RARB: variants seen among roughly 807,000 people sequenced by gnomAD.
RARB encodes the protein retinoic acid receptor beta.
Under a neutral mutation model 51.9 loss-of-function variants are expected in RARB, and 17 were observed. The ratio of observed to expected loss-of-function variants is 0.33; its 90% CI spans 0.22 to 0.49. The LOEUF (loss-of-function observed/expected upper bound fraction) is 0.49. RARB is among the 20% of genes least tolerant of loss of function. The pLI is 0.99. For synonymous variants in RARB, 215 were observed against 195.4 expected (o/e 1.10, Z -0.84); for missense variants, 369 against 550.8 (o/e 0.67, Z 3.30).
intron 3 of RARB, among the ~76,000 whole-genome samples, chr3:25,552,199 C>T (rs971921553): frequency 2.6e-5 from 4 of 152,216 alleles, no homozygotes; most frequent in East Asian, 1.9e-4. Flanking sequence ...AGCTGACCAA[C>T]CATTGTGCAA....
At chr3:24,859,109 C>T (rs1323965807) in intron 2 of RARB, among the ~76,000 whole-genome samples, 2 of 148,358 alleles carry the variant, frequency 1.3e-5, no homozygotes, top group Admixed American at 6.7e-5. Context: ...GTCAGTAATT[C>T]TCTTTGTATT....
intron 3 of RARB, among the ~76,000 whole-genome samples, chr3:25,110,459 A>G (rs922947396): frequency 1.3e-5 from 2 of 152,208 alleles, no homozygotes; most frequent in African/African-American, 4.8e-5. Context: ...AAATATTTTA[A>G]TTACTTTTTC....
At chr3:25,465,046 G>C (rs1360876177) in intron 2 of RARB, among the ~76,000 whole-genome samples, 1 of 151,770 alleles carries the variant, frequency 6.6e-6, no homozygotes, top group Non-Finnish European at 1.5e-5. Context: ...AATTTCCTTA[G>C]GATAAAATTT....
At chr3:25,069,768 C>A (rs998400165) in intron 3 of RARB, among the ~76,000 whole-genome samples, 1 of 152,178 alleles carries the variant, frequency 6.6e-6, no homozygotes, top group Non-Finnish European at 1.5e-5. Context: ...TCGACTCTGT[C>A]TTGACCCTTC....
At chr3:25,123,227 T>C (rs1197137262) in intron 3 of RARB, among the ~76,000 whole-genome samples, 4 of 152,206 alleles carry the variant, frequency 2.6e-5, no homozygotes, top group Non-Finnish European at 5.9e-5. Flanking sequence ...CTTCCATTAC[T>C]TTATGTGTGG....
chr3:25,104,236 A>G (rs548948137), intron 3 of RARB, among the ~76,000 whole-genome samples: 4 of 152,186 alleles, frequency 2.6e-5, no homozygotes, highest in Non-Finnish European at 5.9e-5. Context: ...AAGTTTTCAC[A>G]AGGCTGTGGT....
chr3:25,171,440 ATTTTTTT>A (rs1157902711), intron 4 of RARB, among the ~76,000 whole-genome samples: 38 of 32,214 alleles, frequency 1.2e-3, no homozygotes, highest in East Asian at 9.2e-3. Flanking sequence ...CGACACATTG[ATTTTTTT>A]TTTTTTTTTT....
chr3:24,901,077 A>C (rs1168142295), intron 2 of RARB, among the ~76,000 whole-genome samples: 1 of 152,174 alleles, frequency 6.6e-6, no homozygotes, highest in Non-Finnish European at 1.5e-5. Flanking sequence ...AATACTCATT[A>C]GGTTTATGGC....
chr3:25,374,168 T>C lies in RARB; in HGVS notation c.179-87025T>C, dbSNP rs571608038. Reference sequence around the variant, plus strand: ...GTAGCTGGATGTGGAAGGCAGGGACTGGGGTCAGTCAGCACCTAGAGAGCA... The same window carrying C: ...GTAGCTGGATGTGGAAGGCAGGGACCGGGGTCAGTCAGCACCTAGAGAGCA... On this transcript the variant is annotated intron_variant, in intron 5 of 11. Transcript: ENST00000383772. Among the ~76,000 whole-genome samples the C allele has an allele frequency of 6.0e-4, 92 of 152,170 alleles. 1 individual carries two copies. Among genetic ancestry groups the C allele is most frequent in the Non-Finnish European group, 1.0e-3 (71 of 68,000 alleles).
chr3:25,541,435 T>A (rs551221329), intron 3 of RARB, among the ~76,000 whole-genome samples: 243 of 152,346 alleles, frequency 1.6e-3, no homozygotes, highest in African/African-American at 4.5e-3. Context: ...TCTTTTGTGT[T>A]CCTATCTACC....
At chr3:25,412,056 A>G (rs1257230074) in intron 5 of RARB, among the ~76,000 whole-genome samples, 1 of 152,204 alleles carries the variant, frequency 6.6e-6, no homozygotes, top group East Asian at 1.9e-4. Flanking sequence ...GGCAGTCATT[A>G]TGAGGTATCA....
At chr3:25,570,027 A>C (rs560811696) in intron 4 of RARB, 109 bp downstream of exon 4, 1 of 1,356,926 alleles carries the variant, frequency 7.4e-7, no homozygotes, top group African/African-American at 1.5e-5. Flanking sequence ...CACACTTTGC[A>C]CTGGGCCTGG....
intron 2 of RARB, among the ~76,000 whole-genome samples, chr3:24,975,268 A>G (rs1696485871): frequency 6.6e-6 from 1 of 152,076 alleles, no homozygotes; most frequent in Non-Finnish European, 1.5e-5. Flanking sequence ...TCAATAAATG[A>G]TAGTTGCTAT....
intron 5 of RARB, among the ~76,000 whole-genome samples, chr3:25,211,117 T>C (rs1298001532): frequency 6.6e-6 from 1 of 152,196 alleles, no homozygotes; most frequent in African/African-American, 2.4e-5. Context: ...AAATATTAAC[T>C]TTTATTCATC....
Position 24,982,299 on chromosome 3 carries a change from C to T in RARB, c.-379-77826C>T, listed in dbSNP as rs556123097. ...GGCTACCTTGGCTTTCTCATGGTTG[C>T]TCCTTCCAGCCTAATCTTTATCCAA... On this transcript the variant is annotated intron_variant, in intron 2 of 11. Transcript: ENST00000383772. Among the ~76,000 whole-genome samples, 66 of 152,336 alleles carry T rather than the reference C, an allele frequency of 4.3e-4. 1 individual carries two copies. Among genetic ancestry groups the T allele is most frequent in the African/African-American group, 1.5e-3 (64 of 41,590 alleles).
At position 24,927,743 on chromosome 3, in the gene RARB, G is replaced by C. The variant is rs549275899; in HGVS notation, c.-380+68991G>C. On this transcript the variant is annotated intron_variant, in intron 2 of 11. Coordinates refer to the RARB transcript ENST00000383772. ...TTTTTTCCCTCAATATACTAACCTT[G>C]TTAAAGCGTATTTTTTAAAATAGAA... 5.3e-5 allele frequency among the ~76,000 whole-genome samples: 8 copies of C among 152,134 alleles called. No individual in the cohort carries two copies. The East Asian group carries it at 1.5e-3, about 29-fold the overall frequency.
intron 2 of RARB, among the ~76,000 whole-genome samples, chr3:25,002,326 T>C (rs1485226115): frequency 6.6e-6 from 1 of 152,140 alleles, no homozygotes; most frequent in Non-Finnish European, 1.5e-5. Context: ...CAGAACCCTG[T>C]AGATATTTAT....
chr3:25,247,060 C>A (rs1702580133), intron 5 of RARB, among the ~76,000 whole-genome samples: 2 of 152,210 alleles, frequency 1.3e-5, no homozygotes, highest in African/African-American at 4.8e-5. Flanking sequence ...GCTACAGCAG[C>A]TTTGTGGAGC....
intron 2 of RARB, among the ~76,000 whole-genome samples, chr3:24,897,268 C>T (rs1250914181): frequency 2.0e-5 from 3 of 152,226 alleles, no homozygotes; most frequent in Admixed American, 6.5e-5. Flanking sequence ...TGCCGAAAAA[C>T]CTAATAGTAA....
Sources: gnomAD v4.1 joint callset for allele counts (sites outside exome capture counted in the v4.1 genomes callset) on GRCh38, gnomAD v4.1.1 for gene constraint, MANE v1.5 for transcripts, NCBI Gene and HGNC (gene_info 2026-07-23, HGNC 2026-07-21) for gene names.